Variants in BZW2 observed in about 807,000 individuals in gnomAD.
The protein encoded by BZW2 is eIF5-mimic protein 1.
BZW2 carries 23 observed loss-of-function variants against 53.2 expected under a neutral mutation model. That is an observed-to-expected ratio of 0.43 (90% CI 0.31 to 0.61). The LOEUF is 0.61. Ranked by LOEUF, BZW2 falls within the 20% of genes least tolerant of loss-of-function variation. The pLI is 0.09. For synonymous variants in BZW2, 227 were observed against 186.4 expected (o/e 1.22, Z -1.77); for missense variants, 409 against 503.1 (o/e 0.81, Z 1.79).
intron 3 of BZW2, among the ~76,000 whole-genome samples, chr7:16,675,706 A>C (rs945050537): frequency 6.6e-6 from 1 of 152,216 alleles, no homozygotes; most frequent in East Asian, 1.9e-4. Flanking sequence ...AAGTCTAAGT[A>C]TAACAGCTAT....
chr7:16,694,680 C>T (rs1250876274), intron 7 of BZW2, among the ~76,000 whole-genome samples, 154 bp from the exon 8 acceptor site: 1 of 152,158 alleles, frequency 6.6e-6, no homozygotes, highest in Non-Finnish European at 1.5e-5. Context: ...ATGTTTAGCT[C>T]AGTAAATATA....
chr7:16,692,783 T>C (rs973322578), intron 7 of BZW2, among the ~76,000 whole-genome samples: 1 of 151,746 alleles, frequency 6.6e-6, no homozygotes, highest in Non-Finnish European at 1.5e-5. Context: ...CAAAACAAAA[T>C]TAAGTAGGAA....
At chr7:16,670,161 A>T (rs891385583) in intron 2 of BZW2, among the ~76,000 whole-genome samples, 1 of 152,294 alleles carries the variant, frequency 6.6e-6, no homozygotes, top group Middle Eastern at 3.4e-3. Flanking sequence ...ATAAGTTTTT[A>T]AGATTTCCAA....
At chr7:16,671,930 C>CAAAAAA (rs56356463) in intron 2 of BZW2, among the ~76,000 whole-genome samples, 3 of 99,400 alleles carry the variant, frequency 3.0e-5, no homozygotes, top group African/African-American at 8.4e-5. Flanking sequence ...GACCCTGTTT[C>CAAAAAA]AAAAAAAAAA....
At chr7:16,666,626 C>T (rs1022484673) in intron 2 of BZW2, among the ~76,000 whole-genome samples, 9 of 152,202 alleles carry the variant, frequency 5.9e-5, no homozygotes, top group Middle Eastern at 3.4e-3. Context: ...TGGTCTCGAT[C>T]TCCTGACCTT....
chr7:16,646,307 G>A lies in BZW2; in HGVS notation c.-8+19G>A. On this transcript the variant is annotated intron_variant, in intron 1 of 11. Coordinates refer to ENST00000258761, the MANE Select transcript of BZW2 (RefSeq NM_014038.3). ...CGGACAGGTGAGAAGCAGCCCAGGT[G>A]AGGCAAGGGGCGCCGTGAGGGTTGC... The A allele has an allele frequency of 5.1e-6, 1 of 194,538 alleles. No homozygotes were observed. Among genetic ancestry groups the A allele is most frequent in the Non-Finnish European group, 1.1e-5 (1 of 88,832 alleles). The allele number at this position is 194,538 out of a possible 1,614,324, so 12.1% of individuals were successfully genotyped here. A position where few individuals can be genotyped will look rare whatever the true frequency, so the allele number is the denominator to read the frequency against.
intron 10 of BZW2, 96 bp downstream of exon 10, chr7:16,698,282 G>C: frequency 6.8e-7 from 1 of 1,470,044 alleles, no homozygotes; most frequent in East Asian, 2.3e-5. Flanking sequence ...ATGGGGCTCT[G>C]TTTAGAGAGG....
At chr7:16,646,503 G>T (rs984328636) in intron 1 of BZW2, among the ~76,000 whole-genome samples, 1 of 151,536 alleles carries the variant, frequency 6.6e-6, no homozygotes, top group Non-Finnish European at 1.5e-5. Flanking sequence ...CCTCCGACTC[G>T]CAACGTTTGG....
At chr7:16,649,988 A>G (rs1230890833) in intron 1 of BZW2, among the ~76,000 whole-genome samples, 1 of 152,198 alleles carries the variant, frequency 6.6e-6, no homozygotes, top group Non-Finnish European at 1.5e-5. Flanking sequence ...GAAAATTTGG[A>G]AGTATTACAG....
chr7:16,694,932 G>A lies in BZW2; in HGVS notation c.750G>A (p.Gln250=). ...TTTCCGACTTCCTCCGAGTCCAGCA[G>A]TCCCTGGGCACCAGGAAGGAACTGC... The part of the protein sequence containing the change: ...KELSDFLRVQ[Q]SLGTRKELQK... The change falls in exon 8 of 12, where the codon CAG becomes CAA. Residue 250 remains glutamine, a synonymous_variant. Coordinates refer to ENST00000258761, the MANE Select transcript of BZW2 (RefSeq NM_014038.3). The A allele has an allele frequency of 6.3e-7, 1 of 1,598,118 alleles. No homozygotes were observed. Among genetic ancestry groups the A allele is most frequent in the Non-Finnish European group, 8.6e-7 (1 of 1,167,578 alleles).
intron 1 of BZW2, among the ~76,000 whole-genome samples, chr7:16,651,873 A>T (rs575032618): frequency 1.3e-5 from 2 of 152,330 alleles, no homozygotes; most frequent in South Asian, 4.1e-4. Context: ...TCAACTTTAA[A>T]TTAATATTTA....
intron 1 of BZW2, among the ~76,000 whole-genome samples, chr7:16,652,587 G>A (rs1299887190): frequency 6.6e-6 from 1 of 152,078 alleles, no homozygotes; most frequent in Non-Finnish European, 1.5e-5. Context: ...TGTGATCTCG[G>A]CTGACTGGCT....
At chr7:16,688,619 G>A (rs988647140) in intron 6 of BZW2, 1 of 152,158 alleles carries the variant, frequency 6.6e-6, no homozygotes, top group African/African-American at 2.4e-5. Flanking sequence ...GGCTGCTTAG[G>A]CCACATTATC....
chr7:16,682,172 A>G lies in BZW2; in HGVS notation c.340-608A>G, dbSNP rs150785946. Among the ~76,000 whole-genome samples the G allele has an allele frequency of 8.5e-3, 1,301 of 152,314 alleles. 12 individuals carry two copies. The highest frequency in any genetic ancestry group is 0.028 in the African/African-American group (1,169 of 41,572). On this transcript the variant is annotated intron_variant, in intron 4 of 11. Transcript: ENST00000258761. Reference sequence around the variant, plus strand: ...GTGTAGGAGAAAAAGGAACTAGATTAAGAAATCATTTCCACAGTTATTAAA... The same window carrying G: ...GTGTAGGAGAAAAAGGAACTAGATTGAGAAATCATTTCCACAGTTATTAAA...
At chr7:16,679,150 C>T (rs1782862364) in intron 3 of BZW2, among the ~76,000 whole-genome samples, 2 of 152,146 alleles carry the variant, frequency 1.3e-5, no homozygotes, top group Non-Finnish European at 2.9e-5. Context: ...GGGGGTGCTG[C>T]AGGAGACCAG....
At chr7:16,653,098 C>T (rs1782028304) in intron 1 of BZW2, among the ~76,000 whole-genome samples, 1 of 151,946 alleles carries the variant, frequency 6.6e-6, no homozygotes. Flanking sequence ...CAGGCTTGGG[C>T]AGGTCCCCTT....
chr7:16,670,517 C>G (rs987816778), intron 2 of BZW2, among the ~76,000 whole-genome samples: 1 of 152,204 alleles, frequency 6.6e-6, no homozygotes, highest in Non-Finnish European at 1.5e-5. Flanking sequence ...GGAAACTGGT[C>G]ACAAGACTTA....
intron 10 of BZW2, among the ~76,000 whole-genome samples, chr7:16,698,433 A>G (rs1440611226): frequency 2.0e-5 from 3 of 152,164 alleles, no homozygotes; most frequent in African/African-American, 7.2e-5. Context: ...TGAACTGGTA[A>G]TTGTTTCTTG....
chr7:16,667,141 G>T (rs1399662355), intron 2 of BZW2, among the ~76,000 whole-genome samples: 1 of 152,058 alleles, frequency 6.6e-6, no homozygotes, highest in African/African-American at 2.4e-5. Flanking sequence ...AATTAGCCAG[G>T]CGTGGTGGCG....
Sources: gnomAD v4.1 joint callset for allele counts (sites outside exome capture counted in the v4.1 genomes callset) on GRCh38, gnomAD v4.1.1 for gene constraint, MANE v1.5 for transcripts, NCBI Gene and HGNC (gene_info 2026-07-23, HGNC 2026-07-21) for gene names.